DBNL: variants seen among roughly 807,000 people sequenced by gnomAD.
DBNL encodes the protein drebrin like.
Under a neutral mutation model 62.2 loss-of-function variants are expected in DBNL, and 35 were observed. The observed-to-expected ratio is 0.56, with a 90% CI of 0.43 to 0.75. DBNL has a LOEUF of 0.75. Among genes scored for constraint, DBNL ranks in the 30% least tolerant of loss-of-function variants. DBNL has a pLI of 0.00. For missense variants in DBNL, 495 were observed against 578.4 expected, an observed-to-expected ratio of 0.86 and a Z score of 1.48; for synonymous variants, 197 against 218.0, an observed-to-expected ratio of 0.90 and a Z score of 0.85.
chr7:44,065,709 G>A lies in DBNL; in HGVS notation c.*4793G>A. Reference sequence around the variant, plus strand: ...GGGCTGGGGGCCAGGGGAGTGTGCAGGCCAAGAGGCTGTGCTTAAAATAGC... The same window carrying A: ...GGGCTGGGGGCCAGGGGAGTGTGCAAGCCAAGAGGCTGTGCTTAAAATAGC... On this transcript the variant is annotated 3_prime_UTR_variant, in exon 13 of 13. Coordinates refer to ENST00000448521, the MANE Select transcript of DBNL (RefSeq NM_001014436.3). 1 of 646,824 alleles carries A rather than the reference G, an allele frequency of 1.5e-6. No individual in the cohort carries two copies. The highest frequency in any genetic ancestry group is 1.8e-5 in the South Asian group (1 of 56,970). The allele number at this position is 646,824 out of a possible 1,614,324, so 40.1% of individuals were successfully genotyped here. A position where few individuals can be genotyped will look rare whatever the true frequency, so the allele number is the denominator to read the frequency against.
Position 44,065,927 on chromosome 7 carries a change from C to T in DBNL, c.*5011C>T, listed in dbSNP as rs942223737. The stretch of plus-strand genomic sequence containing the variant: ...CGCTCAGTGGCCTATCAGCCATTCT[C>T]TGCTCAGACAGAGGCACAAACAAAA... On this transcript the variant is annotated 3_prime_UTR_variant, in exon 13 of 13. Transcript: ENST00000448521. The T allele has an allele frequency of 2.9e-6, 1 of 346,164 alleles. No individual in the cohort carries two copies. The highest frequency in any genetic ancestry group is 4.0e-5 in the Admixed American group (1 of 25,234). The allele number at this position is 346,164 out of a possible 1,614,324, so 21.4% of individuals were successfully genotyped here.
At position 44,061,768 on chromosome 7, in the gene DBNL, C is replaced by CT. The variant is rs939410371; in HGVS notation, c.*853dup. 1 of 152,492 alleles carries CT rather than the reference C, an allele frequency of 6.6e-6. No individual in the cohort carries two copies. The highest frequency in any genetic ancestry group is 2.1e-4 in the South Asian group (1 of 4,830). 9.4% of individuals were successfully genotyped at this position (152,492 alleles called of 1,614,324 possible). ...CAGCTCTCACCTGTCCTGCTGTAGCCTGAATGCTCCCATGTGGGAATAGCA... is the reference window on the plus strand; with the variant it reads ...CAGCTCTCACCTGTCCTGCTGTAGCCTTGAATGCTCCCATGTGGGAATAGCA... On this transcript the variant is annotated 3_prime_UTR_variant, in exon 13 of 13. Coordinates refer to ENST00000448521, the MANE Select transcript of DBNL (RefSeq NM_001014436.3).
chr7:44,060,232 AG>A lies in DBNL; in HGVS notation c.1153+80del. 6 of 1,302,640 alleles carry A rather than the reference AG, an allele frequency of 4.6e-6. No individual in the cohort carries two copies. The highest frequency in any genetic ancestry group is 6.5e-6 in the Non-Finnish European group (6 of 924,022). 80.7% of individuals were successfully genotyped at this position (1,302,640 alleles called of 1,614,324 possible). ...CAAGAGGGTCTGGGGTTTTATGGGA[AG>A]ATGGCACCAGGGGGTATCAGGAAGA... On this transcript the variant is annotated intron_variant, in intron 12 of 12. Transcript: ENST00000448521. The surrounding 1 kb of genome is among the most constrained non-coding windows in gnomAD (Gnocchi z 6.3).
At chr7:44,050,587 A>G in intron 2 of DBNL, 1 of 304,964 alleles carries the variant, frequency 3.3e-6, no homozygotes, top group Non-Finnish European at 6.4e-6. Flanking sequence ...CCAGTCCCAG[A>G]ACTGGTGCTG....
Position 44,065,798 on chromosome 7 carries a change from G to C in DBNL, c.*4882G>C, listed in dbSNP as rs539561296. On this transcript the variant is annotated 3_prime_UTR_variant, in exon 13 of 13. Transcript: ENST00000448521. ...CATGTCTATAACCAGCTGGCACCCAGAGCCCAGACTGAGTGGGGCTGCTGG... is the reference window on the plus strand; with the variant it reads ...CATGTCTATAACCAGCTGGCACCCACAGCCCAGACTGAGTGGGGCTGCTGG... 1 of 554,426 alleles carries C rather than the reference G, an allele frequency of 1.8e-6. No homozygotes were observed. Among genetic ancestry groups the C allele is most frequent in the South Asian group, 2.0e-5 (1 of 50,154 alleles). The allele number at this position is 554,426 out of a possible 1,614,324, so 34.3% of individuals were successfully genotyped here. A position where few individuals can be genotyped will look rare whatever the true frequency, so the allele number is the denominator to read the frequency against.
In DBNL at chr7:44,065,006, G is replaced by C. The variant is rs1192880670; in HGVS notation, c.*4090G>C. The C allele has an allele frequency of 6.2e-7, 1 of 1,606,066 alleles. No individual in the cohort carries two copies. Among genetic ancestry groups the C allele is most frequent in the Non-Finnish European group, 8.5e-7 (1 of 1,179,522 alleles). Reference sequence around the variant, plus strand: ...TCCCCGGGCTTCAGGCCTGCGTACCGACGCTCCTGGGGGACACAGGCACGC... The same window carrying C: ...TCCCCGGGCTTCAGGCCTGCGTACCCACGCTCCTGGGGGACACAGGCACGC... On this transcript the variant is annotated 3_prime_UTR_variant, in exon 13 of 13. Transcript: ENST00000448521.
rs1351527022 is a variant in DBNL, at chr7:44,067,848, C to T, written c.*6932C>T. On this transcript the variant is annotated 3_prime_UTR_variant, in exon 13 of 13. Transcript: ENST00000448521. ...ACAGATAAGAAAAGGAGATCAGATT[C>T]AAAGTTCCGCAGAGAAGTGGTGAGG... The T allele has an allele frequency of 6.6e-6, 1 of 152,218 alleles. No homozygotes were observed. Among genetic ancestry groups the T allele is most frequent in the Non-Finnish European group, 1.5e-5 (1 of 68,080 alleles). The allele number at this position is 152,218 out of a possible 1,614,324, so 9.4% of individuals were successfully genotyped here. A position where few individuals can be genotyped will look rare whatever the true frequency, so the allele number is the denominator to read the frequency against.
chr7:44,066,033 G>A lies in DBNL; in HGVS notation c.*5117G>A, dbSNP rs1359051986. 1.2e-5 allele frequency: 3 copies of A among 253,618 alleles called. No individual in the cohort carries two copies. Among genetic ancestry groups the A allele is most frequent in the African/African-American group, 2.2e-5 (1 of 45,376 alleles). The allele number at this position is 253,618 out of a possible 1,614,324, so 15.7% of individuals were successfully genotyped here. A position where few individuals can be genotyped will look rare whatever the true frequency, so the allele number is the denominator to read the frequency against. ...GCAGAGGAGGAGAGCCAGAGGAGCT[G>A]GTGCAGACCACAGCTTTGTGGAGAG... is the stretch of plus-strand genomic sequence containing the variant. On this transcript the variant is annotated 3_prime_UTR_variant, in exon 13 of 13. Transcript: ENST00000448521.
intron 1 of DBNL, among the ~76,000 whole-genome samples, chr7:44,048,497 G>A (rs562499076): frequency 3.9e-4 from 59 of 152,240 alleles, no homozygotes; most frequent in Admixed American, 9.2e-4. Flanking sequence ...GCCTTTTCCC[G>A]GAGGCCTGTC....
At chr7:44,048,128 T>A (rs1286876946) in intron 1 of DBNL, among the ~76,000 whole-genome samples, 3 of 152,192 alleles carry the variant, frequency 2.0e-5, no homozygotes, top group Non-Finnish European at 4.4e-5. Context: ...TTGGCCAGGC[T>A]GGTCTCAAAC....
intron 5 of DBNL, 125 bp from the exon 6 acceptor site, chr7:44,057,657 T>C: frequency 2.0e-6 from 2 of 981,024 alleles, no homozygotes; most frequent in Non-Finnish European, 3.1e-6. Flanking sequence ...CTGCTGCCTC[T>C]GCTGGGTCCA....
intron 1 of DBNL, among the ~76,000 whole-genome samples, chr7:44,046,368 C>A (rs2096117292): frequency 6.6e-6 from 1 of 152,174 alleles, no homozygotes; most frequent in Non-Finnish European, 1.5e-5. Context: ...TCTCAGGAAC[C>A]ATCACTGGTT....
Position 44,062,657 on chromosome 7 carries a change from C to A in DBNL, c.*1741C>A. The A allele has an allele frequency of 8.0e-7, 1 of 1,255,204 alleles. No homozygotes were observed. The highest frequency in any genetic ancestry group is 1.1e-6 in the Non-Finnish European group (1 of 878,568). The allele number at this position is 1,255,204 out of a possible 1,614,324, so 77.8% of individuals were successfully genotyped here. ...GTGGGGGAGGGTGGGTGGCTGCACC[C>A]CTGGTTCTGGAGTCCCCACAGCTGA... On this transcript the variant is annotated 3_prime_UTR_variant, in exon 13 of 13. Coordinates refer to ENST00000448521, the MANE Select transcript of DBNL (RefSeq NM_001014436.3).
chr7:44,059,049 G>A lies in DBNL; in HGVS notation c.835+66G>A. The A allele has an allele frequency of 6.5e-7, 1 of 1,548,202 alleles. No individual in the cohort carries two copies. Among genetic ancestry groups the A allele is most frequent in the Non-Finnish European group, 8.9e-7 (1 of 1,123,622 alleles). On this transcript the variant is annotated intron_variant, in intron 9 of 12. Coordinates refer to ENST00000448521, the MANE Select transcript of DBNL (RefSeq NM_001014436.3). This position sits in a 1 kb window ranked among gnomAD's most constrained non-coding sequence, Gnocchi z 4.1. Reference sequence around the variant, plus strand: ...GCTGAGGGGGAGCCTGGGGTCCTATGTGGGCTCCCCCAAGGCTAGTGACAG... The same window carrying A: ...GCTGAGGGGGAGCCTGGGGTCCTATATGGGCTCCCCCAAGGCTAGTGACAG...
chr7:44,049,011 C>T (rs575520626), intron 1 of DBNL, among the ~76,000 whole-genome samples: 5 of 152,064 alleles, frequency 3.3e-5, no homozygotes, highest in Admixed American at 6.6e-5. Context: ...TATGCCACCA[C>T]GCCTGGCTGA....
rs2096151843 is a variant in DBNL at position 44,062,851 on chromosome 7, C to A, written c.*1935C>A. 6.2e-7 allele frequency: 1 copy of A among 1,614,224 alleles called. No individual in the cohort carries two copies. The highest frequency in any genetic ancestry group is 1.3e-5 in the African/African-American group (1 of 75,064). On this transcript the variant is annotated 3_prime_UTR_variant, in exon 13 of 13. Transcript: ENST00000448521. ...CCAGGAACTGCATGGGCTTGGTGGG[C>A]TTCAGCTCCTTGTTCAGCTCATACA...
chr7:44,044,746 G>T lies in DBNL; in HGVS notation c.9G>T (p.Ala3=). ...AGACTGCGGGGCGGGCCATGGCGGC[G>T]AACCTGAGCCGGAACGGGCCAGCGC... MA[A]NLSRNGPALQ... Residue 3 remains alanine (A), a synonymous_variant, in exon 1 of 13, where the codon GCG becomes GCT. Transcript: ENST00000448521. 1 of 1,507,674 alleles carries T rather than the reference G, an allele frequency of 6.6e-7. No homozygotes were observed. 93.4% of individuals were successfully genotyped at this position (1,507,674 alleles called of 1,614,324 possible). A position where few individuals can be genotyped will look rare whatever the true frequency, so the allele number is the denominator to read the frequency against.
At chr7:44,047,635 A>C (rs17136005) in intron 1 of DBNL, among the ~76,000 whole-genome samples, 10 of 152,080 alleles carry the variant, frequency 6.6e-5, no homozygotes, top group Admixed American at 6.5e-4. Flanking sequence ...CCTGTAACTA[A>C]TAAGCAGTAG....
chr7:44,050,347 C>T (rs941952260), intron 2 of DBNL, 67 bp downstream of exon 2: 10 of 1,563,704 alleles, frequency 6.4e-6, no homozygotes, highest in Non-Finnish European at 8.8e-6. Flanking sequence ...GGGGTCAGCG[C>T]ACTCAGCTGT....
Sources: gnomAD v4.1 joint callset for allele counts (sites outside exome capture counted in the v4.1 genomes callset) on GRCh38, gnomAD v4.1.1 for gene constraint, Gnocchi (gnomAD v3.1) non-coding constraint, MANE v1.5 for transcripts, NCBI Gene and HGNC (gene_info 2026-07-23, HGNC 2026-07-21) for gene names.